TAS2R1: variants seen among roughly 807,000 people sequenced by gnomAD.
The protein encoded by TAS2R1 is taste receptor type 2 member 1.
For synonymous variants in TAS2R1, 141 were observed against 134.2 expected, an observed-to-expected ratio of 1.05 and a Z score of -0.35; for missense variants, 370 against 353.4, an observed-to-expected ratio of 1.05 and a Z score of -0.38.
chr5:9,749,996 A>C, the TAS2R1 span, among the ~76,000 whole-genome samples: 1 of 151,978 alleles, frequency 6.6e-6, no homozygotes, highest in Non-Finnish European at 1.5e-5. Context: ...AGCATTCTTC[A>C]CCCTGATTTT....
chr5:9,869,347 G>C, the TAS2R1 span, among the ~76,000 whole-genome samples: 1 of 152,190 alleles, frequency 6.6e-6, no homozygotes, highest in Non-Finnish European at 1.5e-5. Context: ...GGCGAAGGAA[G>C]AGCAAAGGCA....
At chr5:9,783,060 G>T in the TAS2R1 span, among the ~76,000 whole-genome samples, 2 of 152,140 alleles carry the variant, frequency 1.3e-5, no homozygotes, top group Admixed American at 1.3e-4. Flanking sequence ...TGCAGAAGGG[G>T]CGTGTCTCCT....
chr5:9,804,372 A>G, the TAS2R1 span, among the ~76,000 whole-genome samples: 2 of 152,192 alleles, frequency 1.3e-5, no homozygotes, highest in African/African-American at 4.8e-5. Flanking sequence ...ATGGACTTAA[A>G]TCATACCCCA....
chr5:9,751,560 C>A, the TAS2R1 span, among the ~76,000 whole-genome samples: 4 of 152,114 alleles, frequency 2.6e-5, no homozygotes, highest in African/African-American at 9.7e-5. Flanking sequence ...ATGATTCCTT[C>A]TGTTTTCTTT....
At chr5:9,778,591 C>T in the TAS2R1 span, among the ~76,000 whole-genome samples, 4 of 152,230 alleles carry the variant, frequency 2.6e-5, no homozygotes, top group Non-Finnish European at 5.9e-5. Context: ...CTTGTCTTAG[C>T]TAAATCTTCT....
At chr5:9,815,252 G>C in the TAS2R1 span, among the ~76,000 whole-genome samples, 2 of 152,192 alleles carry the variant, frequency 1.3e-5, no homozygotes, top group Non-Finnish European at 2.9e-5. Context: ...ACAAGCCAGA[G>C]GCTTCACAGG....
the TAS2R1 span, among the ~76,000 whole-genome samples, chr5:9,724,757 C>T: frequency 6.6e-6 from 1 of 152,178 alleles, no homozygotes; most frequent in Non-Finnish European, 1.5e-5. Flanking sequence ...GGCTTCAGGG[C>T]ATATTCATGT....
chr5:9,834,970 C>T, the TAS2R1 span, among the ~76,000 whole-genome samples: 1 of 152,128 alleles, frequency 6.6e-6, no homozygotes, highest in South Asian at 2.1e-4. Context: ...AATATTTAAT[C>T]GTTGGAGATT....
At chr5:9,858,022 G>A in the TAS2R1 span, among the ~76,000 whole-genome samples, 1 of 152,150 alleles carries the variant, frequency 6.6e-6, no homozygotes, top group Non-Finnish European at 1.5e-5. Flanking sequence ...TGGGGCTGTA[G>A]GGGCCATCCC....
chr5:9,756,543 C>A, the TAS2R1 span, among the ~76,000 whole-genome samples: 7 of 152,270 alleles, frequency 4.6e-5, no homozygotes, highest in East Asian at 1.4e-3. Flanking sequence ...CAGCTTTTCC[C>A]ATGGGGCTCT....
intron 2 of TAS2R1, chr5:9,645,771 GAGA>G (rs1561368080): frequency 6.6e-6 from 1 of 152,228 alleles, no homozygotes; most frequent in Non-Finnish European, 1.5e-5. Context: ...GCCACCATGA[GAGA>G]AGGACTTCAG....
chr5:9,772,059 G>C, the TAS2R1 span, among the ~76,000 whole-genome samples: 4 of 151,142 alleles, frequency 2.6e-5, no homozygotes, highest in East Asian at 7.8e-4. Flanking sequence ...AGTTCTATTT[G>C]CCCTTGCTTT....
At chr5:9,868,326 C>A in the TAS2R1 span, among the ~76,000 whole-genome samples, 2 of 152,242 alleles carry the variant, frequency 1.3e-5, no homozygotes, top group Non-Finnish European at 2.9e-5. Context: ...TTCCATACAT[C>A]CTCTGAAATC....
At chr5:9,848,764 A>T in the TAS2R1 span, among the ~76,000 whole-genome samples, 2 of 152,212 alleles carry the variant, frequency 1.3e-5, no homozygotes, top group East Asian at 3.8e-4. Flanking sequence ...AGATATTTTT[A>T]AAATTAAAAT....
intron 2 of TAS2R1, among the ~76,000 whole-genome samples, chr5:9,655,395 T>G (rs1284519043): frequency 6.6e-6 from 1 of 152,050 alleles, no homozygotes; most frequent in Non-Finnish European, 1.5e-5. Context: ...AAAAAGACTA[T>G]AAATAAAAGA....
the TAS2R1 span, among the ~76,000 whole-genome samples, chr5:9,855,768 A>C: frequency 6.6e-6 from 1 of 152,242 alleles, no homozygotes; most frequent in South Asian, 2.1e-4. Flanking sequence ...TGTTTTCAAA[A>C]TAGATGCTGA....
chr5:9,768,925 T>C, the TAS2R1 span, among the ~76,000 whole-genome samples: 3 of 152,238 alleles, frequency 2.0e-5, no homozygotes, highest in Non-Finnish European at 4.4e-5. Context: ...TTACAAATGA[T>C]ACAATCCTCC....
At chr5:9,674,691 C>A (rs916060548) in intron 1 of TAS2R1, among the ~76,000 whole-genome samples, 8 of 152,070 alleles carry the variant, frequency 5.3e-5, no homozygotes, top group Non-Finnish European at 7.4e-5. Flanking sequence ...TCCTGAAGAT[C>A]ATTTCTTAAT....
At chr5:9,719,927 A>C in the TAS2R1 span, among the ~76,000 whole-genome samples, 3 of 129,370 alleles carry the variant, frequency 2.3e-5, no homozygotes, top group African/African-American at 8.9e-5. Context: ...TCAAAAAAAA[A>C]AAAAAAAAAA....
Sources: allele counts gnomAD v4.1 joint callset (sites outside exome capture counted in the v4.1 genomes callset), GRCh38; gene constraint gnomAD v4.1.1; transcripts MANE v1.5; gene names NCBI Gene and HGNC (gene_info 2026-07-23, HGNC 2026-07-21).